Variants in ZNF407 observed in about 807,000 individuals in gnomAD.
The protein encoded by ZNF407 is zinc finger protein 407.
ZNF407 carries 17 observed loss-of-function variants against 131.2 expected under a neutral mutation model. That is an observed-to-expected ratio of 0.13 (90% confidence interval 0.09 to 0.19). The LOEUF (loss-of-function observed/expected upper bound fraction) is 0.19. Ranked by LOEUF, ZNF407 falls within the 10% of genes least tolerant of loss-of-function variation. The pLI, the probability that ZNF407 is intolerant of heterozygous loss-of-function variation, is 1.00. For missense variants in ZNF407, 2,681 were observed against 2,830.6 expected, an observed-to-expected ratio of 0.95 and a Z score of 1.20; for synonymous variants, 1,156 against 1,062.0, an observed-to-expected ratio of 1.09 and a Z score of -1.72.
At chr18:74,864,287 T>C (rs953422154) in intron 4 of ZNF407, among the ~76,000 whole-genome samples, 2 of 152,216 alleles carry the variant, frequency 1.3e-5, no homozygotes, top group African/African-American at 2.4e-5. Flanking sequence ...GGATTTGGTA[T>C]AAGGTTAGTG....
chr18:74,665,519 A>G (rs968406147), intron 3 of ZNF407, among the ~76,000 whole-genome samples: 1 of 152,196 alleles, frequency 6.6e-6, no homozygotes, highest in Non-Finnish European at 1.5e-5. Context: ...TACAAGTTAC[A>G]GTGGTGATGA....
At chr18:74,858,902 T>C (rs8085914) in intron 4 of ZNF407, among the ~76,000 whole-genome samples, 42,221 of 151,740 alleles carry the variant, frequency 0.28, 5,916 homozygotes, top group South Asian at 0.3. Context: ...ATTTTTCCCT[T>C]TTTGCCCTTT....
chr18:74,985,753 C>T (rs1972645449), intron 8 of ZNF407, among the ~76,000 whole-genome samples: 1 of 152,072 alleles, frequency 6.6e-6, no homozygotes, highest in Non-Finnish European at 1.5e-5. Flanking sequence ...GGCCATTGAA[C>T]AGCCAGGGTA....
chr18:74,618,615 T>C (rs1004350674), intron 1 of ZNF407, among the ~76,000 whole-genome samples: 1 of 152,182 alleles, frequency 6.6e-6, no homozygotes, highest in South Asian at 2.1e-4. Context: ...TAGTCATTAT[T>C]CTCCATTGCT....
At chr18:74,789,060 C>T (rs1969775590) in intron 4 of ZNF407, among the ~76,000 whole-genome samples, 1 of 152,098 alleles carries the variant, frequency 6.6e-6, no homozygotes, top group African/African-American at 2.4e-5. Flanking sequence ...GAAGATGACA[C>T]AGCCTCTGTT....
In ZNF407 at chr18:74,634,443, C is replaced by T; in HGVS notation, c.3424C>T (p.Leu1142Phe). The T allele has an allele frequency of 6.2e-7, 1 of 1,613,592 alleles. No homozygotes were observed. The highest frequency in any genetic ancestry group is 8.5e-7 in the Non-Finnish European group (1 of 1,179,822). The part of the protein sequence containing the change: ...ENTNLDMSKV[L>F]CAADSVEVET... The stretch of plus-strand genomic sequence containing the variant: ...TACTAATTTAGATATGTCTAAAGTG[C>T]TCTGCGCTGCTGACTCTGTAGAAGT... The change falls in exon 2 of 9, where the codon CTC (leucine) becomes TTC (phenylalanine). Residue 1142 changes from leucine (L) to phenylalanine (F), a missense_variant. Leu to Phe is a conservative substitution (Grantham distance 22). This residue lies in a region of ZNF407 where 1,789 missense variants were observed against 1,748.7 expected (regional missense o/e 1.02). Coordinates refer to ENST00000299687, the MANE Select transcript of ZNF407 (RefSeq NM_017757.3).
At chr18:74,917,262 C>T (rs1971785195) in intron 7 of ZNF407, among the ~76,000 whole-genome samples, 1 of 152,106 alleles carries the variant, frequency 6.6e-6, no homozygotes, top group African/African-American at 2.4e-5. Context: ...CCAGTTCCTT[C>T]TTGTCTGCAT....
chr18:74,994,744 C>G (rs1030721196), intron 8 of ZNF407, among the ~76,000 whole-genome samples: 1 of 152,230 alleles, frequency 6.6e-6, no homozygotes, highest in East Asian at 1.9e-4. Flanking sequence ...GCACTCAGGA[C>G]CCAGCGACAG....
chr18:74,671,781 G>A (rs1986150185), intron 3 of ZNF407, among the ~76,000 whole-genome samples: 1 of 152,162 alleles, frequency 6.6e-6, no homozygotes, highest in Non-Finnish European at 1.5e-5. Context: ...TCTGGGCACT[G>A]TGATGTGGAC....
chr18:74,869,242 A>G (rs1047116352), intron 4 of ZNF407, among the ~76,000 whole-genome samples: 1 of 152,368 alleles, frequency 6.6e-6, no homozygotes, highest in South Asian at 2.1e-4. Context: ...CTTTCCTTAC[A>G]TAAATCCAGT....
chr18:75,020,315 CAT>C (rs1973093783), intron 8 of ZNF407, among the ~76,000 whole-genome samples: 1 of 43,318 alleles, frequency 2.3e-5, no homozygotes, highest in Non-Finnish European at 5.0e-5. Flanking sequence ...TGTGTATGTG[CAT>C]GTGTGTGTGT....
chr18:74,601,396 A>G (rs1369569734), intron 1 of ZNF407, among the ~76,000 whole-genome samples: 1 of 151,132 alleles, frequency 6.6e-6, no homozygotes, highest in African/African-American at 2.4e-5. Context: ...ACCGGCCTTC[A>G]TGTGTATGCA....
chr18:74,868,830 T>C (rs1971048262), intron 4 of ZNF407, among the ~76,000 whole-genome samples: 2 of 152,234 alleles, frequency 1.3e-5, no homozygotes, highest in Admixed American at 6.5e-5. Flanking sequence ...TCCCACATAC[T>C]GTGGGGTTCT....
intron 3 of ZNF407, among the ~76,000 whole-genome samples, chr18:74,644,245 G>A (rs1472617278): frequency 1.3e-5 from 2 of 148,322 alleles, no homozygotes; most frequent in East Asian, 3.9e-4. Flanking sequence ...GTGATCGAGA[G>A]AGGAATTTTA....
intron 3 of ZNF407, among the ~76,000 whole-genome samples, chr18:74,775,322 A>G (rs1969446079): frequency 1.3e-5 from 2 of 152,210 alleles, no homozygotes; most frequent in Non-Finnish European, 2.9e-5. Context: ...TTGTGAGAGT[A>G]TGATGACACA....
chr18:75,039,808 A>G (rs899973969), intron 8 of ZNF407, among the ~76,000 whole-genome samples: 10 of 143,048 alleles, frequency 7.0e-5, no homozygotes, highest in Non-Finnish European at 1.5e-4. Flanking sequence ...AATGCAGGTT[A>G]TAGTTTCAAA....
intron 4 of ZNF407, among the ~76,000 whole-genome samples, chr18:74,839,395 G>A (rs897938063): frequency 1.7e-4 from 26 of 152,334 alleles, no homozygotes; most frequent in Middle Eastern, 3.4e-3. Flanking sequence ...AATCTGATGA[G>A]CAGGTTGGAA....
chr18:74,746,059 C>G (rs1364084322), intron 3 of ZNF407, among the ~76,000 whole-genome samples: 3 of 152,130 alleles, frequency 2.0e-5, no homozygotes, highest in Non-Finnish European at 2.9e-5. Context: ...ATGATAGAGC[C>G]TACCACACAC....
intron 8 of ZNF407, among the ~76,000 whole-genome samples, chr18:74,956,419 C>G (rs967299863): frequency 2.0e-5 from 3 of 152,086 alleles, no homozygotes; most frequent in African/African-American, 7.2e-5. Flanking sequence ...ACTTCATAAG[C>G]TAAAATCTCT....
Sources: allele counts gnomAD v4.1 joint callset (sites outside exome capture counted in the v4.1 genomes callset), GRCh38; gene constraint gnomAD v4.1.1; regional missense constraint gnomAD v4.1.1; transcripts MANE v1.5; gene names NCBI Gene and HGNC (gene_info 2026-07-23, HGNC 2026-07-21).